Variants in NUDT9 observed in about 807,000 individuals in gnomAD.
The protein encoded by NUDT9 is nudix hydrolase 9.
A neutral mutation model predicts 41.0 loss-of-function variants in NUDT9; 31 were observed. That is an observed-to-expected ratio of 0.76 (90% CI 0.57 to 1.02). The LOEUF (loss-of-function observed/expected upper bound fraction) is 1.02. Ranked by LOEUF, NUDT9 falls within the 50% of genes least tolerant of loss-of-function variation. The pLI is 0.00. For synonymous variants in NUDT9, 146 were observed against 147.6 expected (o/e 0.99, Z 0.08); for missense variants, 380 against 431.4 (o/e 0.88, Z 1.06).
intron 7 of NUDT9, 105 bp from the exon 8 acceptor site, chr4:87,457,738 G>A (rs1723049885): frequency 9.7e-7 from 1 of 1,033,098 alleles, no homozygotes; most frequent in South Asian, 1.5e-5. Context: ...TGGCCGGCTA[G>A]TACAATGATG....
At chr4:87,436,996 C>G (rs2110170230) in intron 2 of NUDT9, among the ~76,000 whole-genome samples, 1 of 152,112 alleles carries the variant, frequency 6.6e-6, no homozygotes, top group South Asian at 2.1e-4. Flanking sequence ...CGCCTGTAAT[C>G]CCAGCACTTT....
chr4:87,426,862 A>AC (rs1399155701), intron 1 of NUDT9, among the ~76,000 whole-genome samples: 1 of 147,352 alleles, frequency 6.8e-6, no homozygotes, highest in African/African-American at 2.5e-5. Flanking sequence ...ATAGAGTGAG[A>AC]CCCCATCTTG....
At position 87,449,152 on chromosome 4, in the gene NUDT9, G is replaced by C; in HGVS notation, c.541G>C (p.Asp181His). ...TATTACTATTCACAGATGGAAAAGGGATAGCAGTGGAAATAAAATCATGCA... is the reference window on the plus strand; with the variant it reads ...TATTACTATTCACAGATGGAAAAGGCATAGCAGTGGAAATAAAATCATGCA... ...ADPIITRWKR[D>H]SSGNKIMHPV... is the part of the protein sequence containing the mutation. The change falls in exon 5 of 8, where the codon GAT becomes CAT. Residue 181 changes from aspartate (D) to histidine (H), a missense_variant. By Grantham distance (81) the Asp-to-His change is moderately conservative. Coordinates refer to ENST00000302174, the MANE Select transcript of NUDT9 (RefSeq NM_024047.5). 1 of 1,583,912 alleles carries C rather than the reference G, an allele frequency of 6.3e-7. No individual in the cohort carries two copies. Among genetic ancestry groups the C allele is most frequent in the South Asian group, 1.1e-5 (1 of 90,432 alleles).
At chr4:87,441,797 C>T (rs1427298039) in intron 3 of NUDT9, 32 bp from the exon 4 acceptor site, 6 of 1,542,534 alleles carry the variant, frequency 3.9e-6, no homozygotes, top group Admixed American at 1.7e-5. Flanking sequence ...TGAACACATT[C>T]AATTGATTTT....
At chr4:87,440,015 C>A (rs1370528048) in intron 3 of NUDT9, among the ~76,000 whole-genome samples, 1 of 152,126 alleles carries the variant, frequency 6.6e-6, no homozygotes, top group Non-Finnish European at 1.5e-5. Context: ...TTGCTAAGTT[C>A]TTTCTTTGGT....
chr4:87,450,566 A>G (rs1722668538), intron 5 of NUDT9, among the ~76,000 whole-genome samples: 1 of 151,462 alleles, frequency 6.6e-6, no homozygotes, highest in Non-Finnish European at 1.5e-5. Context: ...TTTAGTAGAG[A>G]CAGGGTTTCA....
At chr4:87,433,659 A>G (rs145511792) in intron 1 of NUDT9, among the ~76,000 whole-genome samples, 1 of 152,202 alleles carries the variant, frequency 6.6e-6, no homozygotes, top group African/African-American at 2.4e-5. Context: ...CCCACTTGAG[A>G]TGTCCTAATT....
intron 1 of NUDT9, 98 bp downstream of exon 1, chr4:87,423,110 G>C: frequency 2.5e-6 from 2 of 799,398 alleles, no homozygotes; most frequent in South Asian, 1.8e-5. Context: ...GCTTTGCTTT[G>C]CCTCTCGGGT....
intron 3 of NUDT9, among the ~76,000 whole-genome samples, chr4:87,439,865 T>C (rs926005175): frequency 6.6e-6 from 1 of 152,302 alleles, no homozygotes; most frequent in African/African-American, 2.4e-5. Context: ...AAAATTAGCA[T>C]GTACCAAATA....
At chr4:87,456,535 C>T (rs1722998041) in intron 7 of NUDT9, among the ~76,000 whole-genome samples, 1 of 152,194 alleles carries the variant, frequency 6.6e-6, no homozygotes, top group African/African-American at 2.4e-5. Context: ...TGGTGGCTTT[C>T]TTGGAGGTAA....
intron 1 of NUDT9, among the ~76,000 whole-genome samples, chr4:87,433,552 C>T (rs565580658): frequency 5.5e-4 from 84 of 152,292 alleles, no homozygotes; most frequent in African/African-American, 1.8e-3. Context: ...ATATTTGCCC[C>T]GTCAATCATT....
chr4:87,426,907 T>A (rs1368787385), intron 1 of NUDT9, among the ~76,000 whole-genome samples: 3 of 132,662 alleles, frequency 2.3e-5, no homozygotes, highest in Non-Finnish European at 3.1e-5. Flanking sequence ...TCGCTCAGCC[T>A]ACCTGATTTA....
At chr4:87,457,167 C>T (rs1723024443) in intron 7 of NUDT9, among the ~76,000 whole-genome samples, 1 of 151,876 alleles carries the variant, frequency 6.6e-6, no homozygotes, top group Admixed American at 6.6e-5. Context: ...AAATTTCCTA[C>T]AGAAATATTC....
intron 3 of NUDT9, among the ~76,000 whole-genome samples, 188 bp downstream of exon 3, chr4:87,438,560 G>A (rs1382041957): frequency 6.7e-6 from 1 of 149,424 alleles, no homozygotes; most frequent in Non-Finnish European, 1.5e-5. Context: ...TAAGGGAAGA[G>A]AGTGTAAGCA....
intron 1 of NUDT9, among the ~76,000 whole-genome samples, chr4:87,424,260 T>TG (rs1721300329): frequency 1.3e-5 from 1 of 77,170 alleles, no homozygotes; most frequent in Non-Finnish European, 3.7e-5. Flanking sequence ...ATGCGTTTTT[T>TG]TTTTTTTTTT....
rs1723100191 is a variant in NUDT9, at chr4:87,458,923, C to G, written c.*902C>G. On this transcript the variant is annotated 3_prime_UTR_variant, in exon 8 of 8. Transcript: ENST00000302174. ...CTCAAATATTTAAAGATATTTGACCCAGTAATCCCATTACTAGGTATATAC... is the reference window on the plus strand; with the variant it reads ...CTCAAATATTTAAAGATATTTGACCGAGTAATCCCATTACTAGGTATATAC... 6.6e-6 allele frequency: 1 copy of G among 152,124 alleles called. No homozygotes were observed. Among genetic ancestry groups the G allele is most frequent in the Admixed American group, 6.5e-5 (1 of 15,270 alleles). The allele number at this position is 152,124 out of a possible 1,614,324, so 9.4% of individuals were successfully genotyped here.
At chr4:87,453,928 G>T (rs11938995) in intron 6 of NUDT9, among the ~76,000 whole-genome samples, 2,535 of 145,122 alleles carry the variant, frequency 0.017, 84 homozygotes, top group African/African-American at 0.061. Flanking sequence ...GCGCGATCTT[G>T]GCTCACTGCT....
In NUDT9 at chr4:87,458,081, T is replaced by C. The variant is rs1391405204; in HGVS notation, c.*60T>C. On this transcript the variant is annotated 3_prime_UTR_variant, in exon 8 of 8. Transcript: ENST00000302174. ...GGAGCATATACTGAAAAGAAGGCAG[T>C]ATCACAGAATTTATACTATAAAAAG... 1.4e-6 allele frequency: 2 copies of C among 1,421,686 alleles called. No homozygotes were observed. The highest frequency in any genetic ancestry group is 5.4e-5 in the East Asian group (2 of 37,304). 88.1% of individuals were successfully genotyped at this position (1,421,686 alleles called of 1,614,324 possible).
intron 2 of NUDT9, 80 bp downstream of exon 2, chr4:87,435,300 C>T: frequency 1.4e-6 from 2 of 1,441,878 alleles, no homozygotes; most frequent in Non-Finnish European, 9.4e-7. Context: ...ATCTTTTTGA[C>T]ACCTGAAAAT....
Sources: gnomAD v4.1 joint callset for allele counts (sites outside exome capture counted in the v4.1 genomes callset) on GRCh38, gnomAD v4.1.1 for gene constraint, MANE v1.5 for transcripts, NCBI Gene and HGNC (gene_info 2026-07-23, HGNC 2026-07-21) for gene names.